The following EPHA3 variants were observed in gnomAD, a reference collection of about 807,000 sequenced individuals.
EPHA3 encodes the protein EPH receptor A3.
EPHA3 carries 42 observed loss-of-function variants against 107.1 expected under a neutral mutation model. The observed-to-expected ratio is 0.39, with a 90% CI of 0.31 to 0.51. The LOEUF (loss-of-function observed/expected upper bound fraction) is 0.51. EPHA3 is among the 20% of genes least tolerant of loss of function. The pLI is 0.78. For missense variants in EPHA3, 1,183 were observed against 1,211.2 expected (o/e 0.98, Z 0.35); for synonymous variants, 461 against 424.8 (o/e 1.09, Z -1.05).
intron 10 of EPHA3, among the ~76,000 whole-genome samples, chr3:89,413,544 A>T (rs1424039741): frequency 6.6e-6 from 1 of 151,720 alleles, no homozygotes; most frequent in Non-Finnish European, 1.5e-5. Context: ...GTGTCACAAA[A>T]CCTATTTGGC....
rs1251378650 is a variant in EPHA3 at position 89,351,706 on chromosome 3, A to T, written c.1306+9616A>T. Among the ~76,000 whole-genome samples the T allele has an allele frequency of 1.9e-4, 28 of 151,308 alleles. 1 individual carries two copies. Among genetic ancestry groups the T allele is most frequent in the East Asian group, 5.8e-4 (3 of 5,168 alleles). On this transcript the variant is annotated intron_variant, in intron 5 of 16. Transcript: ENST00000336596. The stretch of plus-strand genomic sequence containing the variant: ...TAATGCTTTTACATAGTCTCAATAT[A>T]TTTATTAAAATCAAGACATTAGCAT...
intron 2 of EPHA3, among the ~76,000 whole-genome samples, chr3:89,185,433 T>G (rs1297578480): frequency 6.6e-6 from 1 of 152,068 alleles, no homozygotes; most frequent in African/African-American, 2.4e-5. Flanking sequence ...TATTTAGTAG[T>G]TGAGAGAATA....
chr3:89,191,290 A>T (rs1705710139), intron 2 of EPHA3, among the ~76,000 whole-genome samples: 1 of 147,954 alleles, frequency 6.8e-6, no homozygotes, highest in African/African-American at 2.5e-5. Context: ...TTTTATTTTT[A>T]TTTTTTTAAT....
chr3:89,244,006 A>G (rs1187706133), intron 3 of EPHA3, among the ~76,000 whole-genome samples: 1 of 152,174 alleles, frequency 6.6e-6, no homozygotes, highest in Non-Finnish European at 1.5e-5. Flanking sequence ...TACTTCTGAC[A>G]ATACTTATAT....
intron 5 of EPHA3, among the ~76,000 whole-genome samples, chr3:89,387,300 C>T (rs879319510): frequency 6.6e-6 from 1 of 152,184 alleles, no homozygotes; most frequent in Non-Finnish European, 1.5e-5. Context: ...GACAGTTACA[C>T]TCATGCCATT....
intron 15 of EPHA3, among the ~76,000 whole-genome samples, chr3:89,456,396 G>A (rs1254893454): frequency 6.6e-6 from 1 of 151,810 alleles, no homozygotes; most frequent in African/African-American, 2.4e-5. Flanking sequence ...TAGAAATGAT[G>A]TTTCTTCAGT....
intron 15 of EPHA3, among the ~76,000 whole-genome samples, chr3:89,467,279 C>G (rs1409148792): frequency 6.6e-6 from 1 of 152,046 alleles, no homozygotes; most frequent in Non-Finnish European, 1.5e-5. Context: ...AATTCAGATA[C>G]AATTATTAGT....
At chr3:89,111,178 C>G (rs1412089783) in intron 1 of EPHA3, among the ~76,000 whole-genome samples, 5 of 151,858 alleles carry the variant, frequency 3.3e-5, no homozygotes, top group Non-Finnish European at 5.9e-5. Context: ...TTGTTTAAAA[C>G]TTAAAAGTAA....
At chr3:89,285,396 A>G (rs1706056519) in intron 3 of EPHA3, among the ~76,000 whole-genome samples, 1 of 152,218 alleles carries the variant, frequency 6.6e-6, no homozygotes, top group African/African-American at 2.4e-5. Context: ...AGACAAAAAT[A>G]TCTACACTGG....
intron 15 of EPHA3, among the ~76,000 whole-genome samples, chr3:89,466,651 C>G (rs1452915009): frequency 4.6e-5 from 6 of 129,312 alleles, no homozygotes. Context: ...TGACCCCTTG[C>G]GCTTCCCAGG....
At position 89,368,842 on chromosome 3, in the gene EPHA3, G is replaced by A. The variant is rs1047789538; in HGVS notation, c.1306+26752G>A. Among the ~76,000 whole-genome samples, 3 of 150,140 alleles carry A rather than the reference G, an allele frequency of 2.0e-5. No individual in the cohort carries two copies. In the Admixed American group the frequency reaches 2.0e-4, roughly 10 times the overall value. On this transcript the variant is annotated intron_variant, in intron 5 of 16. Transcript: ENST00000336596. ...AAACAAAAAACAAAAAACAAAAAACGCTTCACCAGCAGTATGAGCATCCCT... is the reference window on the plus strand; with the variant it reads ...AAACAAAAAACAAAAAACAAAAAACACTTCACCAGCAGTATGAGCATCCCT...
chr3:89,339,867 T>C (rs1005517228), intron 3 of EPHA3, among the ~76,000 whole-genome samples: 5 of 152,150 alleles, frequency 3.3e-5, no homozygotes, highest in African/African-American at 1.2e-4. Flanking sequence ...GGCACTGAAA[T>C]TGAGCTTTAG....
chr3:89,467,640 C>A lies in EPHA3; in HGVS notation c.2691-4824C>A, dbSNP rs534315521. Among the ~76,000 whole-genome samples, 22 of 151,972 alleles carry A rather than the reference C, an allele frequency of 1.4e-4. No homozygotes were observed. The South Asian group carries it at 3.7e-3, about 26-fold the overall frequency. The stretch of plus-strand genomic sequence containing the variant: ...AGTATCTGGTGCTAATTTTTATGCA[C>A]CTATTTACAGCTAAAATAGGAATTG... On this transcript the variant is annotated intron_variant, in intron 15 of 16. Transcript: ENST00000336596.
At chr3:89,315,547 G>T (rs1429049913) in intron 3 of EPHA3, among the ~76,000 whole-genome samples, 1 of 150,894 alleles carries the variant, frequency 6.6e-6, no homozygotes, top group Non-Finnish European at 1.5e-5. Context: ...CTTCCCTAAA[G>T]CTAAATAAAT....
At chr3:89,439,869 G>A (rs780786361) in intron 13 of EPHA3, among the ~76,000 whole-genome samples, 3 of 152,010 alleles carry the variant, frequency 2.0e-5, no homozygotes, top group Admixed American at 6.6e-5. Context: ...ATGAGAGTCC[G>A]AAAGTAACAT....
chr3:89,164,312 G>A (rs1231232441), intron 2 of EPHA3, among the ~76,000 whole-genome samples: 23 of 152,292 alleles, frequency 1.5e-4, no homozygotes, highest in Admixed American at 1.1e-3. Flanking sequence ...GAAAATGTAC[G>A]GATTTGTGTT....
intron 2 of EPHA3, among the ~76,000 whole-genome samples, chr3:89,154,623 A>T (rs1364888834): frequency 6.6e-6 from 1 of 151,584 alleles, no homozygotes; most frequent in Non-Finnish European, 1.5e-5. Context: ...CATGTGAAAA[A>T]TTTCAATCAT....
At chr3:89,288,679 TTG>T (rs1706146007) in intron 3 of EPHA3, among the ~76,000 whole-genome samples, 1 of 152,110 alleles carries the variant, frequency 6.6e-6, no homozygotes, top group Non-Finnish European at 1.5e-5. Context: ...TAAATACTGT[TTG>T]TGTGAGCCTT....
In EPHA3 at chr3:89,366,975, C is replaced by T. The variant is rs557277912; in HGVS notation, c.1306+24885C>T. 2.7e-5 allele frequency among the ~76,000 whole-genome samples: 4 copies of T among 150,778 alleles called. No homozygotes were observed. In the East Asian group the frequency reaches 7.8e-4, roughly 29 times the overall value. ...CACAAACTCTCTTCTATTTCTATAACATTCTTCCTATCTTCACTTGATATT... is the reference window on the plus strand; with the variant it reads ...CACAAACTCTCTTCTATTTCTATAATATTCTTCCTATCTTCACTTGATATT... On this transcript the variant is annotated intron_variant, in intron 5 of 16. Coordinates refer to ENST00000336596, the MANE Select transcript of EPHA3 (RefSeq NM_005233.6).
Sources: gnomAD v4.1 joint callset for allele counts (sites outside exome capture counted in the v4.1 genomes callset) on GRCh38, gnomAD v4.1.1 for gene constraint, MANE v1.5 for transcripts, NCBI Gene and HGNC (gene_info 2026-07-23, HGNC 2026-07-21) for gene names.